MACROD2: variants seen among roughly 807,000 people sequenced by gnomAD.
MACROD2 encodes the protein mono-ADP ribosylhydrolase 2, also known as ADP-ribose glycohydrolase MACROD2.
A neutral mutation model predicts 70.4 loss-of-function variants in MACROD2; 36 were observed. The observed-to-expected ratio is 0.51, with a 90% CI of 0.39 to 0.68. The LOEUF is 0.68. MACROD2 is among the 30% of genes least tolerant of loss of function. The pLI is 0.00. For synonymous variants in MACROD2, 172 were observed against 178.8 expected (o/e 0.96, Z 0.30); for missense variants, 496 against 538.4 (o/e 0.92, Z 0.78).
At chr20:15,358,575 T>C (rs747633075) in intron 6 of MACROD2, among the ~76,000 whole-genome samples, 1 of 152,206 alleles carries the variant, frequency 6.6e-6, no homozygotes, top group Non-Finnish European at 1.5e-5. Context: ...ATTTTGTTCA[T>C]ATAATTATAT....
chr20:14,199,399 A>G (rs2081460546), intron 3 of MACROD2, among the ~76,000 whole-genome samples: 1 of 152,268 alleles, frequency 6.6e-6, no homozygotes, highest in Non-Finnish European at 1.5e-5. Flanking sequence ...CAGATTAGAC[A>G]GCTGCATAGT....
chr20:15,629,390 A>G (rs968323171), intron 8 of MACROD2, among the ~76,000 whole-genome samples: 11 of 152,228 alleles, frequency 7.2e-5, no homozygotes, highest in African/African-American at 2.4e-4. Context: ...CTAACTCTCT[A>G]TGCCTTCCCA....
chr20:15,824,779 T>C (rs1568582100), intron 8 of MACROD2, among the ~76,000 whole-genome samples: 1 of 152,216 alleles, frequency 6.6e-6, no homozygotes, highest in Non-Finnish European at 1.5e-5. Context: ...TAGTTACTCA[T>C]GCAAGCTCTT....
intron 3 of MACROD2, among the ~76,000 whole-genome samples, chr20:14,088,327 T>TAAAA (rs11372104): frequency 8.5e-6 from 1 of 117,920 alleles, no homozygotes; most frequent in Non-Finnish European, 1.7e-5. Context: ...AGACTCCATC[T>TAAAA]AAAAAAAAAA....
chr20:15,103,812 T>C (rs551304458), intron 5 of MACROD2, among the ~76,000 whole-genome samples: 51 of 151,916 alleles, frequency 3.4e-4, no homozygotes, highest in African/African-American at 1.2e-3. Flanking sequence ...CAGAATTGCA[T>C]GAAGAAAGCA....
At chr20:15,173,634 A>ATT (rs11482785) in intron 5 of MACROD2, among the ~76,000 whole-genome samples, 3 of 151,282 alleles carry the variant, frequency 2.0e-5, no homozygotes, top group African/African-American at 7.3e-5. Context: ...TTTTAATTCA[A>ATT]TTTTTTTTTG....
chr20:15,081,604 C>T (rs1190308406), intron 5 of MACROD2, among the ~76,000 whole-genome samples: 1 of 152,130 alleles, frequency 6.6e-6, no homozygotes, highest in African/African-American at 2.4e-5. Flanking sequence ...GATTAACACT[C>T]TCTATATCAT....
intron 11 of MACROD2, among the ~76,000 whole-genome samples, chr20:15,937,069 C>T (rs1236302303): frequency 1.3e-5 from 2 of 151,964 alleles, no homozygotes; most frequent in East Asian, 3.8e-4. Context: ...AAGTGCTGTG[C>T]TAAGAAAAAA....
At chr20:14,236,068 A>G (rs1488634185) in intron 3 of MACROD2, among the ~76,000 whole-genome samples, 2 of 152,130 alleles carry the variant, frequency 1.3e-5, no homozygotes, top group Admixed American at 1.3e-4. Flanking sequence ...GAAGTTTCCT[A>G]AAAACCCCTC....
intron 8 of MACROD2, among the ~76,000 whole-genome samples, chr20:15,565,682 C>T (rs1038018422): frequency 6.6e-6 from 1 of 152,136 alleles, no homozygotes. Context: ...GCGGCACTAT[C>T]GTAGCTTACT....
chr20:15,846,656 C>T (rs2064233927), intron 8 of MACROD2, among the ~76,000 whole-genome samples: 1 of 151,946 alleles, frequency 6.6e-6, no homozygotes, highest in Admixed American at 6.6e-5. Context: ...CATAACAAGC[C>T]TTACGTAAGC....
rs2064851359 is a variant in MACROD2, at chr20:15,888,661, TTTCCTGG to T, written c.775+2851_775+2857del. 8.5e-5 allele frequency among the ~76,000 whole-genome samples: 13 copies of T among 152,242 alleles called. No individual in the cohort carries two copies. In the South Asian group the frequency reaches 2.5e-3, roughly 29 times the overall value. On this transcript the variant is annotated intron_variant, in intron 10 of 17. Coordinates refer to ENST00000684519, the MANE Select transcript of MACROD2 (RefSeq NM_001351661.2). The stretch of plus-strand genomic sequence containing the variant: ...CATTTCTGATTTTAGTTCCACCAGG[TTTCCTGG>T]GAGTTTTGTCACCAGCAGCTGCATG...
At chr20:14,394,018 TC>T (rs2122812159) in intron 3 of MACROD2, among the ~76,000 whole-genome samples, 1 of 152,282 alleles carries the variant, frequency 6.6e-6, no homozygotes, top group Non-Finnish European at 1.5e-5. Flanking sequence ...ATCTTGTACT[TC>T]CTAGTCTATG....
chr20:15,338,446 C>T (rs2078072761), intron 6 of MACROD2, among the ~76,000 whole-genome samples: 1 of 151,488 alleles, frequency 6.6e-6, no homozygotes, highest in Non-Finnish European at 1.5e-5. Flanking sequence ...TTTTTCAAAA[C>T]AACCTGGATT....
chr20:14,078,475 C>T (rs945885007), intron 2 of MACROD2, among the ~76,000 whole-genome samples: 3 of 152,054 alleles, frequency 2.0e-5, no homozygotes, highest in African/African-American at 7.2e-5. Context: ...GGCGCGATCT[C>T]GGCTCACTGC....
chr20:15,728,824 A>C (rs6043493), intron 8 of MACROD2, among the ~76,000 whole-genome samples: 13,170 of 151,826 alleles, frequency 0.087, 1,816 homozygotes, highest in African/African-American at 0.3. Context: ...AATCTTATTT[A>C]TTCTGTCAAA....
chr20:15,425,226 G>A (rs544536023), intron 6 of MACROD2, among the ~76,000 whole-genome samples: 1 of 152,170 alleles, frequency 6.6e-6, no homozygotes, highest in African/African-American at 2.4e-5. Flanking sequence ...TGAATGTGAG[G>A]AAGTTTTAGG....
intron 8 of MACROD2, among the ~76,000 whole-genome samples, chr20:15,701,572 C>T (rs2050459884): frequency 6.6e-6 from 1 of 152,130 alleles, no homozygotes; most frequent in African/African-American, 2.4e-5. Flanking sequence ...GTACTTTCTC[C>T]TTTCAGTGTA....
chr20:15,489,827 G>A (rs963046046), intron 7 of MACROD2, among the ~76,000 whole-genome samples: 30 of 152,088 alleles, frequency 2.0e-4, no homozygotes, highest in African/African-American at 1.9e-4. Flanking sequence ...GGGTATGGAG[G>A]GGGTGTGGGC....
Sources: gnomAD v4.1 joint callset for allele counts (sites outside exome capture counted in the v4.1 genomes callset) on GRCh38, gnomAD v4.1.1 for gene constraint, MANE v1.5 for transcripts, NCBI Gene and HGNC (gene_info 2026-07-23, HGNC 2026-07-21) for gene names.